The following AEBP2 variants were observed in gnomAD, a reference collection of about 807,000 sequenced individuals.
AEBP2 encodes zinc finger protein AEBP2.
AEBP2 carries 10 observed loss-of-function variants against 50.8 expected under a neutral mutation model. That is an observed-to-expected ratio of 0.20 (90% CI 0.12 to 0.33). The LOEUF is 0.33. Among genes scored for constraint, AEBP2 ranks in the 10% least tolerant of loss-of-function variants. AEBP2 has a pLI of 1.00. For missense variants in AEBP2, 570 were observed against 688.0 expected (o/e 0.83, Z 1.92); for synonymous variants, 296 against 261.3 (o/e 1.13, Z -1.28).
At chr12:19,456,998 C>T (rs1805514716) in intron 1 of AEBP2, 1 of 1,580,732 alleles carries the variant, frequency 6.3e-7, no homozygotes, top group Admixed American at 1.7e-5. Flanking sequence ...GATTTTCGTC[C>T]CTTGAACCAA....
Position 19,521,273 on chromosome 12 carries a change from G to A in AEBP2, c.*3156G>A, listed in dbSNP as rs921778550. ...TAATAAGCCAGTACATTAAATTTTA[G>A]TGAAAGCTGTTTCATGTATTTTACA... On this transcript the variant is annotated 3_prime_UTR_variant, in exon 8 of 8. Transcript: ENST00000266508. 17 of 152,244 alleles carry A rather than the reference G, an allele frequency of 1.1e-4. No homozygotes were observed. The highest frequency in any genetic ancestry group is 1.3e-4 in the Admixed American group (2 of 15,296). 9.4% of individuals were successfully genotyped at this position (152,244 alleles called of 1,614,324 possible). A position where few individuals can be genotyped will look rare whatever the true frequency, so the allele number is the denominator to read the frequency against.
In AEBP2 at chr12:19,487,965, T is replaced by C. The variant is rs187329906; in HGVS notation, c.988-5835T>C. On this transcript the variant is annotated intron_variant, in intron 3 of 7. Coordinates refer to ENST00000266508, the MANE Select transcript of AEBP2 (RefSeq NM_153207.5). ...ATGAAGTAAGGGTCAGAAAGAATTA[T>C]AGCAAAGACTCGATTGATGCATTGC... Among the ~76,000 whole-genome samples the C allele has an allele frequency of 4.6e-5, 7 of 152,226 alleles. No homozygotes were observed. In the East Asian group the frequency reaches 9.6e-4, roughly 21 times the overall value.
intron 1 of AEBP2, among the ~76,000 whole-genome samples, chr12:19,422,271 C>T (rs894722666): frequency 4.6e-5 from 7 of 152,086 alleles, no homozygotes; most frequent in Non-Finnish European, 1.0e-4. Context: ...CTTATAAACA[C>T]TGTAATGTAC....
intron 1 of AEBP2, among the ~76,000 whole-genome samples, chr12:19,425,773 CAAAA>C (rs11317571): frequency 4.2e-5 from 2 of 47,926 alleles, no homozygotes; most frequent in African/African-American, 1.4e-4. Context: ...GACTCCATCT[CAAAA>C]AAAAAAAAAA....
intron 3 of AEBP2, among the ~76,000 whole-genome samples, chr12:19,479,632 T>C (rs1396254182): frequency 6.6e-6 from 1 of 151,034 alleles, no homozygotes; most frequent in Non-Finnish European, 1.5e-5. Flanking sequence ...ATTTGGGAGC[T>C]CCAGTTGGGT....
chr12:19,464,462 G>T (rs1948435277), intron 2 of AEBP2, among the ~76,000 whole-genome samples: 1 of 152,092 alleles, frequency 6.6e-6, no homozygotes, highest in Non-Finnish European at 1.5e-5. Context: ...ACATTTCTGA[G>T]TCTTGGAATC....
intron 1 of AEBP2, among the ~76,000 whole-genome samples, chr12:19,407,941 C>G (rs1250987269): frequency 6.6e-6 from 1 of 151,818 alleles, no homozygotes; most frequent in Non-Finnish European, 1.5e-5. Context: ...ATCCCAGCTA[C>G]TCAGGAGTCT....
chr12:19,465,079 G>C (rs1948447626), intron 2 of AEBP2, among the ~76,000 whole-genome samples: 1 of 151,994 alleles, frequency 6.6e-6, no homozygotes, highest in Non-Finnish European at 1.5e-5. Flanking sequence ...CCAATAATAA[G>C]ATTCTCTAGC....
chr12:19,468,507 C>CT (rs1342818700), intron 2 of AEBP2, among the ~76,000 whole-genome samples: 1 of 152,104 alleles, frequency 6.6e-6, no homozygotes, highest in Non-Finnish European at 1.5e-5. Context: ...TAACATTGCA[C>CT]TTTTTTGCAG....
At chr12:19,503,846 T>G (rs1049496989) in intron 5 of AEBP2, among the ~76,000 whole-genome samples, 2 of 152,090 alleles carry the variant, frequency 1.3e-5, no homozygotes, top group African/African-American at 4.8e-5. Flanking sequence ...TTCTTTCCCT[T>G]TCCAAGACAG....
intron 5 of AEBP2, among the ~76,000 whole-genome samples, chr12:19,501,797 G>GTTTGTTTTTTTTT (rs60750234): frequency 2.3e-4 from 16 of 70,912 alleles, no homozygotes; most frequent in East Asian, 1.5e-3. Context: ...AAATGAGTTT[G>GTTTGTTTTTTTTT]TTTTTTTTTT....
intron 1 of AEBP2, chr12:19,446,204 C>T (rs913083970): frequency 1.8e-4 from 27 of 152,126 alleles, no homozygotes; most frequent in African/African-American, 6.5e-4. Flanking sequence ...CCATTGCGCC[C>T]CATTTAGTGA....
At chr12:19,458,869 A>G (rs977511374) in intron 1 of AEBP2, among the ~76,000 whole-genome samples, 2 of 152,168 alleles carry the variant, frequency 1.3e-5, no homozygotes, top group African/African-American at 4.8e-5. Flanking sequence ...CTTCCCCCAA[A>G]TATTTACTAG....
rs59403434 is a variant in AEBP2, at chr12:19,484,250, A to ATTTTTTTTTTTTTTT, written c.988-9539_988-9525dup. Among the ~76,000 whole-genome samples, 2 of 107,518 alleles carry ATTTTTTTTTTTTTTT rather than the reference A, an allele frequency of 1.9e-5. 1 individual carries two copies. The highest frequency in any genetic ancestry group is 3.7e-5 in the Non-Finnish European group (2 of 54,494). 70.5% of individuals were successfully genotyped at this position (107,518 alleles called of 152,430 possible). The stretch of plus-strand genomic sequence containing the variant: ...AGGCAGGCACCACAACGCCCAGCCA[A>ATTTTTTTTTTTTTTT]TTTTTTTTTTTTTTTTTTTTTTTTT... On this transcript the variant is annotated intron_variant, in intron 3 of 7. Transcript: ENST00000266508.
intron 1 of AEBP2, among the ~76,000 whole-genome samples, chr12:19,411,267 G>A (rs796106241): frequency 6.6e-6 from 1 of 152,162 alleles, no homozygotes; most frequent in Non-Finnish European, 1.5e-5. Context: ...CTCTTAGCTG[G>A]AGTGTTAGAA....
chr12:19,407,752 A>T (rs1222249931), intron 1 of AEBP2, among the ~76,000 whole-genome samples: 1 of 152,178 alleles, frequency 6.6e-6, no homozygotes, highest in Non-Finnish European at 1.5e-5. Flanking sequence ...CCTATTGCTT[A>T]AAAAAGTTAA....
chr12:19,492,989 C>T (rs1431200431), intron 3 of AEBP2, among the ~76,000 whole-genome samples: 1 of 151,970 alleles, frequency 6.6e-6, no homozygotes, highest in East Asian at 1.9e-4. Context: ...AAAAACAAAA[C>T]CCAAAATACA....
At chr12:19,497,451 A>C (rs943722460) in intron 4 of AEBP2, among the ~76,000 whole-genome samples, 5 of 142,524 alleles carry the variant, frequency 3.5e-5, no homozygotes, top group African/African-American at 1.3e-4. Flanking sequence ...GTGATCTTTC[A>C]ACCTTTTTGC....
chr12:19,417,665 C>T (rs988481117), intron 1 of AEBP2, among the ~76,000 whole-genome samples: 1 of 151,866 alleles, frequency 6.6e-6, no homozygotes, highest in African/African-American at 2.4e-5. Flanking sequence ...GCCTCAGCCT[C>T]CCAAAGTGCT....
Sources: gnomAD v4.1 joint callset for allele counts (sites outside exome capture counted in the v4.1 genomes callset) on GRCh38, gnomAD v4.1.1 for gene constraint, MANE v1.5 for transcripts, NCBI Gene and HGNC (gene_info 2026-07-23, HGNC 2026-07-21) for gene names.